The following ZNF326 variants were observed in gnomAD, a reference collection of about 807,000 sequenced individuals.
The protein encoded by ZNF326 is DBIRD complex subunit ZNF326.
In ZNF326, 30 loss-of-function variants were observed where a neutral mutation model predicts 63.1. The observed-to-expected ratio is 0.48, with a 90% CI of 0.36 to 0.64. The LOEUF is 0.64. Ranked by LOEUF, ZNF326 falls within the 30% of genes least tolerant of loss-of-function variation. The probability of loss-of-function intolerance (pLI) is 0.00; values close to 1 mark genes in which losing one functional copy is unlikely to be tolerated. For synonymous variants in ZNF326, 194 were observed against 228.2 expected, an observed-to-expected ratio of 0.85 and a Z score of 1.35; for missense variants, 609 against 720.3, an observed-to-expected ratio of 0.85 and a Z score of 1.77.
intron 1 of ZNF326, among the ~76,000 whole-genome samples, chr1:89,995,935 G>T (rs1407299473): frequency 6.6e-6 from 1 of 152,158 alleles, no homozygotes; most frequent in African/African-American, 2.4e-5. Flanking sequence ...CTTTTCTTTG[G>T]ATCGTGTGTA....
chr1:90,021,044 CTG>C (rs1649745294), intron 10 of ZNF326, 122 bp downstream of exon 10: 3 of 1,052,022 alleles, frequency 2.9e-6, no homozygotes, highest in South Asian at 3.2e-5. Flanking sequence ...ATGGAAATAA[CTG>C]TAAGTATACT....
intron 11 of ZNF326, among the ~76,000 whole-genome samples, chr1:90,024,090 C>G (rs968209232): frequency 1.3e-5 from 2 of 152,156 alleles, no homozygotes; most frequent in Non-Finnish European, 2.9e-5. Flanking sequence ...TGCTGTGTTC[C>G]CTGTTGTCAT....
At position 90,027,089 on chromosome 1, in the gene ZNF326, A is replaced by G. The variant is rs529988981; in HGVS notation, c.1402-265A>G. On this transcript the variant is annotated intron_variant, in intron 11 of 11. Transcript: ENST00000340281. Reference sequence around the variant, plus strand: ...TATGTGTGTGTGTGTGTGTGTGTGTATGATTATTTAGAAATACAGTTAAGG... The same window carrying G: ...TATGTGTGTGTGTGTGTGTGTGTGTGTGATTATTTAGAAATACAGTTAAGG... Among the ~76,000 whole-genome samples, 9 of 132,154 alleles carry G rather than the reference A, an allele frequency of 6.8e-5. No homozygotes were observed. In the East Asian group the frequency reaches 2.0e-3, roughly 30 times the overall value. 86.7% of individuals were successfully genotyped at this position (132,154 alleles called of 152,430 possible). A position where few individuals can be genotyped will look rare whatever the true frequency, so the allele number is the denominator to read the frequency against.
chr1:90,017,588 A>T, intron 8 of ZNF326, 124 bp downstream of exon 8: 1 of 878,732 alleles, frequency 1.1e-6, no homozygotes, highest in Non-Finnish European at 1.7e-6. Flanking sequence ...TTAAAGAAAG[A>T]GTTGTTTTAA....
At chr1:90,023,980 T>G (rs1189582956) in intron 11 of ZNF326, among the ~76,000 whole-genome samples, 1 of 152,224 alleles carries the variant, frequency 6.6e-6, no homozygotes. Flanking sequence ...ATAAGAATCT[T>G]CATTTTAACA....
chr1:90,014,687 A>G (rs1170347566), intron 7 of ZNF326, among the ~76,000 whole-genome samples: 2 of 152,156 alleles, frequency 1.3e-5, no homozygotes, highest in African/African-American at 4.8e-5. Context: ...TCATCTCTAA[A>G]CAAAACAAAA....
chr1:90,014,424 T>G (rs1444682349), intron 7 of ZNF326, among the ~76,000 whole-genome samples: 2 of 152,148 alleles, frequency 1.3e-5, no homozygotes, highest in Non-Finnish European at 2.9e-5. Context: ...AAACAGCTAG[T>G]AATAATTTTA....
intron 11 of ZNF326, among the ~76,000 whole-genome samples, chr1:90,025,979 T>G (rs1570323506): frequency 6.6e-6 from 1 of 152,152 alleles, no homozygotes; most frequent in East Asian, 1.9e-4. Context: ...TTTTTTTTTT[T>G]TTTTCGAGAC....
Position 89,995,157 on chromosome 1 carries a change from G to T in ZNF326, c.-101G>T, listed in dbSNP as rs949969370. 42 of 1,409,162 alleles carry T rather than the reference G, an allele frequency of 3.0e-5. No homozygotes were observed. Among genetic ancestry groups the T allele is most frequent in the African/African-American group, 4.5e-5 (3 of 66,912 alleles). The allele number at this position is 1,409,162 out of a possible 1,614,324, so 87.3% of individuals were successfully genotyped here. On this transcript the variant is annotated 5_prime_UTR_variant, in exon 1 of 12. Coordinates refer to ENST00000340281, the MANE Select transcript of ZNF326 (RefSeq NM_182976.4). The stretch of plus-strand genomic sequence containing the variant: ...CCCGGGCTGGTAGCGCGCCGCTCTC[G>T]GTCGCGCGGAGTGATCGTGTGGAAT...
chr1:90,025,486 G>A (rs1192893946), intron 11 of ZNF326, among the ~76,000 whole-genome samples: 2 of 152,088 alleles, frequency 1.3e-5, no homozygotes, highest in African/African-American at 4.8e-5. Context: ...AAGTTACTGA[G>A]CGTCTCCCCT....
intron 2 of ZNF326, among the ~76,000 whole-genome samples, chr1:89,998,572 A>G (rs1388378618): frequency 6.6e-6 from 1 of 152,112 alleles, no homozygotes; most frequent in African/African-American, 2.4e-5. Context: ...CATTTTCTTC[A>G]GTGTGTCCAA....
rs559676604 is a variant in ZNF326 at position 90,013,745 on chromosome 1, T to C, written c.926+508T>C. The stretch of plus-strand genomic sequence containing the variant: ...ACAGACTGTAAGGAAGAATGTAATA[T>C]TTAATAAAGAGGATATTAGAAATAA... On this transcript the variant is annotated intron_variant, in intron 7 of 11. Coordinates refer to ENST00000340281, the MANE Select transcript of ZNF326 (RefSeq NM_182976.4). Among the ~76,000 whole-genome samples, 13 of 152,262 alleles carry C rather than the reference T, an allele frequency of 8.5e-5. No homozygotes were observed. The South Asian group carries it at 2.3e-3, about 27-fold the overall frequency.
At chr1:90,002,920 T>A (rs1014885255) in intron 2 of ZNF326, among the ~76,000 whole-genome samples, 6 of 152,196 alleles carry the variant, frequency 3.9e-5, no homozygotes, top group Non-Finnish European at 8.8e-5. Context: ...CAAATATTGA[T>A]CAGTTTTATG....
intron 10 of ZNF326, among the ~76,000 whole-genome samples, chr1:90,021,135 C>T (rs76015829): frequency 0.014 from 2,166 of 152,096 alleles, 50 homozygotes; most frequent in African/African-American, 0.049. Context: ...ACATGTGTTA[C>T]GCAAGCAAGT....
In ZNF326 at chr1:90,033,151, A is replaced by G. The variant is rs1352409429; in HGVS notation, c.*5450A>G. The G allele has an allele frequency of 6.6e-6, 1 of 152,192 alleles. No homozygotes were observed. The highest frequency in any genetic ancestry group is 2.4e-5 in the African/African-American group (1 of 41,452). 9.4% of individuals were successfully genotyped at this position (152,192 alleles called of 1,614,324 possible). On this transcript the variant is annotated 3_prime_UTR_variant, in exon 12 of 12. Coordinates refer to ENST00000340281, the MANE Select transcript of ZNF326 (RefSeq NM_182976.4). ...TATTGGTTGGAAAACTGCTATCTAC[A>G]GGCCTTCCACTACCTATTTCTTAGT... is the stretch of plus-strand genomic sequence containing the variant.
rs777823003 is a variant in ZNF326 at position 90,020,914 on chromosome 1, G to C, written c.1297G>C (p.Gly433Arg). 4 of 1,611,768 alleles carry C rather than the reference G, an allele frequency of 2.5e-6. No individual in the cohort carries two copies. Among genetic ancestry groups the C allele is most frequent in the Admixed American group, 1.7e-5 (1 of 59,710 alleles). ...CTTAAAATCTCCTGATCATATCAAA[G>C]GGAAGCAGGTAAAATTTTCATCTGT... is the stretch of plus-strand genomic sequence containing the variant. Reference protein sequence around the residue: ...QHLKSPDHIKGKQAYKEQIKR... With the variant: ...QHLKSPDHIKRKQAYKEQIKR... Residue 433 changes from glycine to arginine, a missense_variant, in exon 10 of 12, where the codon GGG (glycine) becomes CGG (arginine). By Grantham distance (125) the Gly-to-Arg change is moderately radical (BLOSUM62 -2). Around this residue, in one of 3 missense-constraint regions of ZNF326, gnomAD observed 399 missense variants for 444.3 expected, o/e 0.90. Coordinates refer to ENST00000340281, the MANE Select transcript of ZNF326 (RefSeq NM_182976.4).
rs768223629 is a variant in ZNF326, at chr1:90,027,564, G to A, written c.1612G>A (p.Val538Ile). ...GIEGEGNIQG[V>I]GEGGEVGVVG... is the part of the protein sequence containing the mutation. The stretch of plus-strand genomic sequence containing the variant: ...AGAGGGCGAGGGAAATATACAGGGA[G>A]TAGGGGAAGGAGGGGAAGTAGGGGT... Residue 538 changes from valine (V) to isoleucine (I), a missense_variant, in exon 12 of 12, where the codon GTA becomes ATA. Val to Ile is a conservative substitution (Grantham distance 29). This residue lies in a region of ZNF326 where 399 missense variants were observed against 444.3 expected (regional missense o/e 0.90). Coordinates refer to ENST00000340281, the MANE Select transcript of ZNF326 (RefSeq NM_182976.4). The A allele has an allele frequency of 1.7e-5, 28 of 1,608,560 alleles. No individual in the cohort carries two copies. Among genetic ancestry groups the A allele is most frequent in the Non-Finnish European group, 2.2e-5 (26 of 1,176,916 alleles).
At chr1:90,026,292 G>C (rs1279137156) in intron 11 of ZNF326, among the ~76,000 whole-genome samples, 2 of 152,006 alleles carry the variant, frequency 1.3e-5, no homozygotes, top group Non-Finnish European at 2.9e-5. Flanking sequence ...TATAGTGTAG[G>C]CATCTTCATA....
chr1:90,027,601 T>C lies in ZNF326; in HGVS notation c.1649T>C (p.Val550Ala). The C allele has an allele frequency of 6.2e-7, 1 of 1,608,778 alleles. No individual in the cohort carries two copies. The highest frequency in any genetic ancestry group is 2.2e-5 in the East Asian group (1 of 44,644). ...GGGGAAGTAGGGGTAGTGGGAGAAGTAGAGGGAGTGGGGGAAGTAGAGGAA... is the reference window on the plus strand; with the variant it reads ...GGGGAAGTAGGGGTAGTGGGAGAAGCAGAGGGAGTGGGGGAAGTAGAGGAA... ...EGGEVGVVGE[V>A]EGVGEVEEVE... Residue 550 changes from valine to alanine, a missense_variant, in exon 12 of 12, where the codon GTA (valine) becomes GCA (alanine). Val to Ala is a moderately conservative substitution (Grantham distance 64). This residue lies in a region of ZNF326 where 399 missense variants were observed against 444.3 expected (regional missense o/e 0.90). Transcript: ENST00000340281.
Sources: gnomAD v4.1 joint callset for allele counts (sites outside exome capture counted in the v4.1 genomes callset) on GRCh38, gnomAD v4.1.1 for gene constraint, gnomAD v4.1.1 regional missense constraint, MANE v1.5 for transcripts, NCBI Gene and HGNC (gene_info 2026-07-23, HGNC 2026-07-21) for gene names.